ABCC2: variants seen among roughly 807,000 people sequenced by gnomAD.
ABCC2 encodes the protein ATP-binding cassette sub-family C member 2.
In ABCC2, 157 loss-of-function variants were observed where a neutral mutation model predicts 173.4. The observed-to-expected ratio is 0.91, with a 90% CI of 0.80 to 1.03. The LOEUF is 1.03. ABCC2 is among the 50% of genes least tolerant of loss of function. The probability of loss-of-function intolerance (pLI) is 0.00; values close to 1 mark genes in which losing one functional copy is unlikely to be tolerated. For missense variants in ABCC2, 1,822 were observed against 1,852.3 expected (o/e 0.98, Z 0.30); for synonymous variants, 657 against 693.5 (o/e 0.95, Z 0.83).
At chr10:99,829,235 G>A (rs917671221) in intron 19 of ABCC2, among the ~76,000 whole-genome samples, 5 of 152,174 alleles carry the variant, frequency 3.3e-5, no homozygotes, top group African/African-American at 1.2e-4. Flanking sequence ...CCCTCCAGTG[G>A]CTGCTAGGCT....
chr10:99,793,607 G>A lies in ABCC2; in HGVS notation c.390G>A (p.Trp130Ter). Residue 130 changes from tryptophan (W) to a stop codon, truncating the protein, a stop_gained, in exon 4 of 32, where the codon TGG (tryptophan) becomes TGA (stop). Transcript: ENST00000647814. LOFTEE classifies it high-confidence loss of function. ...AATGGTGTGTACAGAAAAACTCCTGGTTCCTGTCCCTATTCTGGATTCTCT... is the reference window on the plus strand; with the variant it reads ...AATGGTGTGTACAGAAAAACTCCTGATTCCTGTCCCTATTCTGGATTCTCT... ...SRQWCVQKNSWFLSLFWILSI... is the reference protein window; with the variant it reads ...SRQWCVQKNS 6.2e-7 allele frequency: 1 copy of A among 1,614,066 alleles called. No individual in the cohort carries two copies. The highest frequency in any genetic ancestry group is 8.5e-7 in the Non-Finnish European group (1 of 1,179,986).
intron 3 of ABCC2, 62 bp downstream of exon 3, chr10:99,792,421 A>G: frequency 1.9e-6 from 3 of 1,596,104 alleles, no homozygotes; most frequent in Non-Finnish European, 1.7e-6. Context: ...TCTAGGTGAA[A>G]TGTACTCTTT....
intron 2 of ABCC2, 91 bp from the exon 3 acceptor site, chr10:99,792,143 C>A: frequency 2.0e-6 from 3 of 1,509,838 alleles, no homozygotes; most frequent in Admixed American, 1.7e-5. Flanking sequence ...CACTGCATAC[C>A]GCTTTTCCTA....
At chr10:99,794,031 T>C in intron 5 of ABCC2, 32 bp downstream of exon 5, 1 of 1,532,666 alleles carries the variant, frequency 6.5e-7, no homozygotes, top group Non-Finnish European at 9.0e-7. Context: ...TCTCATATAT[T>C]ACTTAATTGG....
At chr10:99,814,722 C>CACACAT (rs1554851037) in intron 16 of ABCC2, among the ~76,000 whole-genome samples, 3 of 141,714 alleles carry the variant, frequency 2.1e-5, no homozygotes, top group African/African-American at 5.3e-5. Flanking sequence ...TGTATATACA[C>CACACAT]ATATGTGTGT....
At chr10:99,822,468 C>T (rs971011516) in intron 19 of ABCC2, among the ~76,000 whole-genome samples, 8 of 151,844 alleles carry the variant, frequency 5.3e-5, no homozygotes, top group African/African-American at 1.7e-4. Flanking sequence ...TTTGCATCTC[C>T]GATGGGTTCA....
intron 19 of ABCC2, among the ~76,000 whole-genome samples, chr10:99,828,298 G>A (rs962721118): frequency 6.6e-6 from 1 of 152,020 alleles, no homozygotes; most frequent in African/African-American, 2.4e-5. Flanking sequence ...CCAGAGCCTA[G>A]GATGCTGCTG....
At position 99,831,741 on chromosome 10, in the gene ABCC2, G is replaced by A; in HGVS notation, c.3014G>A (p.Ser1005Asn). The A allele has an allele frequency of 6.2e-7, 1 of 1,614,186 alleles. No homozygotes were observed. Among genetic ancestry groups the A allele is most frequent in the Non-Finnish European group, 8.5e-7 (1 of 1,180,016 alleles). Residue 1005 changes from serine to asparagine, a missense_variant, in exon 22 of 32, where the codon AGT (serine) becomes AAT (asparagine). Coordinates refer to ENST00000647814, the MANE Select transcript of ABCC2 (RefSeq NM_000392.5). ...AACCTCTGGCTCAGTGCTTGGACCA[G>A]TGACTCTAAAATCTTCAATAGCACC... ...GSNLWLSAWT[S>N]DSKIFNSTDY...
intron 23 of ABCC2, among the ~76,000 whole-genome samples, chr10:99,833,078 A>G (rs2038766438): frequency 6.6e-6 from 1 of 152,226 alleles, no homozygotes; most frequent in South Asian, 2.1e-4. Context: ...CTTGGGGCAG[A>G]CATAGAAAGT....
At chr10:99,851,426 T>A in intron 31 of ABCC2, 76 bp from the exon 32 acceptor site, 1 of 1,569,292 alleles carries the variant, frequency 6.4e-7, no homozygotes, top group Non-Finnish European at 8.8e-7. Flanking sequence ...CACAACTTAG[T>A]CCTGGTTATT....
chr10:99,809,513 A>G (rs924767972), intron 13 of ABCC2, among the ~76,000 whole-genome samples: 1 of 152,222 alleles, frequency 6.6e-6, no homozygotes, highest in African/African-American at 2.4e-5. Context: ...CTAAGACTTC[A>G]TCAGAGCCTG....
intron 24 of ABCC2, 135 bp from the exon 25 acceptor site, chr10:99,835,956 C>T: frequency 1.2e-6 from 1 of 858,344 alleles, no homozygotes; most frequent in Non-Finnish European, 1.9e-6. Flanking sequence ...AGACATGGCA[C>T]TGCAGGCTTT....
intron 28 of ABCC2, 93 bp downstream of exon 28, chr10:99,844,558 A>G: frequency 6.6e-7 from 1 of 1,521,442 alleles, no homozygotes; most frequent in Admixed American, 1.7e-5. Flanking sequence ...AGCCTTCATC[A>G]TTTGGATGGA....
intron 24 of ABCC2, 59 bp from the exon 25 acceptor site, chr10:99,836,032 G>A (rs752632725): frequency 1.2e-4 from 193 of 1,551,624 alleles, no homozygotes; most frequent in Non-Finnish European, 1.7e-4. Context: ...CAGAAAGGAG[G>A]AAGATGGTGG....
At chr10:99,795,960 C>G (rs2804399) in intron 6 of ABCC2, among the ~76,000 whole-genome samples, 151,388 of 152,344 alleles carry the variant, frequency 0.99, 75,228 homozygotes, top group Middle Eastern at 1. Flanking sequence ...AGCTATGGCT[C>G]TGTCACTGAA....
chr10:99,805,203 T>G (rs1321154698), intron 10 of ABCC2, among the ~76,000 whole-genome samples, 179 bp from the exon 11 acceptor site: 2 of 151,932 alleles, frequency 1.3e-5, no homozygotes, highest in Non-Finnish European at 2.9e-5. Flanking sequence ...AGAAGATGGG[T>G]GCGGCAGGAG....
intron 25 of ABCC2, among the ~76,000 whole-genome samples, chr10:99,841,019 C>T (rs1444018483): frequency 6.6e-6 from 1 of 152,210 alleles, no homozygotes; most frequent in African/African-American, 2.4e-5. Flanking sequence ...TTCTTATAAA[C>T]TGTGTCTATA....
At chr10:99,811,691 G>C in intron 15 of ABCC2, 89 bp downstream of exon 15, 1 of 1,405,962 alleles carries the variant, frequency 7.1e-7, no homozygotes, top group Non-Finnish European at 1.0e-6. Context: ...GAATGCATGG[G>C]GAAATGAGCT....
chr10:99,789,754 G>A (rs2037782923), intron 2 of ABCC2, among the ~76,000 whole-genome samples: 1 of 105,768 alleles, frequency 9.5e-6, no homozygotes, highest in African/African-American at 3.5e-5. Flanking sequence ...AGAAAGAAAA[G>A]GAAAGGTGGA....
Sources: allele counts gnomAD v4.1 joint callset (sites outside exome capture counted in the v4.1 genomes callset), GRCh38; gene constraint gnomAD v4.1.1; transcripts MANE v1.5; gene names NCBI Gene and HGNC (gene_info 2026-07-23, HGNC 2026-07-21).